CIZ1: variants seen among roughly 807,000 people sequenced by gnomAD.
The protein encoded by CIZ1 is CDKN1A interacting zinc finger protein 1.
CIZ1 carries 58 observed loss-of-function variants against 118.6 expected under a neutral mutation model. That is an observed-to-expected ratio of 0.49 (90% CI 0.40 to 0.61). The LOEUF is 0.61. CIZ1 is among the 20% of genes least tolerant of loss of function. CIZ1 has a pLI of 0.00. For missense variants in CIZ1, 921 were observed against 1,115.9 expected (o/e 0.83, Z 2.49); for synonymous variants, 448 against 443.4 (o/e 1.01, Z -0.13).
chr9:128,183,206 A>G (rs1831902026), intron 5 of CIZ1, among the ~76,000 whole-genome samples: 1 of 152,192 alleles, frequency 6.6e-6, no homozygotes, highest in East Asian at 1.9e-4. Flanking sequence ...GGACACATCC[A>G]TACTCTGCCC....
At chr9:128,200,636 C>T (rs561780522) in intron 1 of CIZ1, among the ~76,000 whole-genome samples, 17 of 141,938 alleles carry the variant, frequency 1.2e-4, no homozygotes, top group Non-Finnish European at 2.1e-4. Flanking sequence ...CTAACCTGAG[C>T]GACAGAGCAA....
chr9:128,178,728 A>C lies in CIZ1; in HGVS notation c.1479T>G (p.Asp493Glu), dbSNP rs1831181544. The change falls in exon 8 of 17, where the codon GAT (aspartate) becomes GAG (glutamate). Residue 493 changes from aspartate to glutamate, a missense_variant. Asp to Glu is a conservative substitution (Grantham distance 45). Coordinates refer to ENST00000372938, the MANE Select transcript of CIZ1 (RefSeq NM_001131016.2). The stretch of plus-strand genomic sequence containing the variant: ...ACTTACCTCCACCAGCTTCTACTGC[A>C]TCAGGTGGCATCTCCAGCCCGCAGA... The part of the protein sequence containing the change: ...VHVCGLEMPP[D>E]AVEAGGGMEK... 1.2e-6 allele frequency: 2 copies of C among 1,613,782 alleles called. No individual in the cohort carries two copies. The highest frequency in any genetic ancestry group is 2.7e-5 in the African/African-American group (2 of 75,054).
chr9:128,198,148 C>G (rs1274916321), intron 1 of CIZ1: 3 of 152,284 alleles, frequency 2.0e-5, no homozygotes, highest in Non-Finnish European at 4.4e-5. Flanking sequence ...ATATTGGTGC[C>G]CAGCCTGCAA....
chr9:128,194,555 G>A (rs765381778), upstream of CIZ1, among the ~76,000 whole-genome samples: 4 of 151,686 alleles, frequency 2.6e-5, no homozygotes, highest in East Asian at 1.9e-4. Context: ...GGTGGCTCAC[G>A]CCTACAATCC....
At position 128,191,489 on chromosome 9, in the gene CIZ1, C is replaced by G. The variant is rs1418160417; in HGVS notation, c.-63G>C. The G allele has an allele frequency of 1.0e-6, 1 of 994,324 alleles. No homozygotes were observed. The highest frequency in any genetic ancestry group is 1.2e-6 in the Non-Finnish European group (1 of 834,838). The allele number at this position is 994,324 out of a possible 1,614,324, so 61.6% of individuals were successfully genotyped here. A position where few individuals can be genotyped will look rare whatever the true frequency, so the allele number is the denominator to read the frequency against. ...CGCCCCCACGGATGGGCCGGCCCCG[C>G]AGCCCCCACGCCTCGGCCGGGCGGC... On this transcript the variant is annotated 5_prime_UTR_variant, in exon 1 of 17. Coordinates refer to ENST00000372938, the MANE Select transcript of CIZ1 (RefSeq NM_001131016.2). The surrounding 1 kb of genome is among the most constrained non-coding windows in gnomAD (Gnocchi z 5.5).
At position 128,191,300 on chromosome 9, in the gene CIZ1, G is replaced by T; in HGVS notation, c.-6+132C>A. 4.2e-6 allele frequency: 1 copy of T among 238,600 alleles called. No homozygotes were observed. The highest frequency in any genetic ancestry group is 1.4e-4 in the South Asian group (1 of 7,100). The allele number at this position is 238,600 out of a possible 1,614,324, so 14.8% of individuals were successfully genotyped here. On this transcript the variant is annotated intron_variant, in intron 1 of 16. Transcript: ENST00000372938. The surrounding 1 kb of genome is among the most constrained non-coding windows in gnomAD (Gnocchi z 5.5). ...GTCACCGTGGTCCTGAGCTCCGTGG[G>T]ACGGCTTCTCTCCACCACCGCCACC...
chr9:128,199,784 C>CTT (rs34269035), intron 1 of CIZ1: 7,707 of 128,606 alleles, frequency 0.06, 539 homozygotes, highest in East Asian at 0.33. Flanking sequence ...TTCTTTCTTT[C>CTT]TTTTTTTTTT....
At chr9:128,174,715 A>G (rs1830647699) in intron 11 of CIZ1, among the ~76,000 whole-genome samples, 1 of 152,142 alleles carries the variant, frequency 6.6e-6, no homozygotes. Context: ...GCTGAAGTGC[A>G]GTGGCGCGAT....
rs75157907 is a variant in CIZ1, at chr9:128,170,119, C to T, written c.1944-12G>A. 4.1e-6 allele frequency: 1 copy of T among 244,812 alleles called. No homozygotes were observed. Among genetic ancestry groups the T allele is most frequent in the African/African-American group, 1.9e-5 (1 of 52,940 alleles). 15.2% of individuals were successfully genotyped at this position (244,812 alleles called of 1,614,324 possible). On this transcript the variant is annotated splice_polypyrimidine_tract_variant and intron_variant, in intron 11 of 16. Coordinates refer to ENST00000372938, the MANE Select transcript of CIZ1 (RefSeq NM_001131016.2). ...TTGGTGGAGGCTCCCTGAATGACAA[C>T]AGTCAAAGCAAGTACAATGTGACGC...
upstream of CIZ1, among the ~76,000 whole-genome samples, chr9:128,194,257 G>A (rs991560794): frequency 5.3e-5 from 8 of 150,916 alleles, no homozygotes; most frequent in African/African-American, 2.0e-4. Flanking sequence ...AGCTACTCGG[G>A]AGGATGAGGC....
intron 5 of CIZ1, 47 bp downstream of exon 5, chr9:128,185,500 C>T: frequency 8.4e-6 from 11 of 1,304,252 alleles, no homozygotes; most frequent in Non-Finnish European, 1.2e-5. Context: ...CTGGGGCTGA[C>T]ACCCAGGGTC....
At chr9:128,184,249 G>A (rs753009702) in intron 5 of CIZ1, among the ~76,000 whole-genome samples, 24 of 152,156 alleles carry the variant, frequency 1.6e-4, no homozygotes, top group Non-Finnish European at 2.6e-4. Flanking sequence ...GGGCTGAATT[G>A]AGAGGTCAGT....
chr9:128,175,739 G>A (rs1329826699), intron 11 of CIZ1, among the ~76,000 whole-genome samples: 1 of 152,188 alleles, frequency 6.6e-6, no homozygotes, highest in Admixed American at 6.5e-5. Flanking sequence ...AAGAGATCCA[G>A]AGATGAGAAG....
At chr9:128,177,542 C>CCACCCAAAAA in intron 10 of CIZ1, 24 bp downstream of exon 10, 1 of 1,229,498 alleles carries the variant, frequency 8.1e-7, no homozygotes, top group Non-Finnish European at 1.1e-6. Flanking sequence ...CACCCCTCCC[C>CCACCCAAAAA]ACCCTTATCT....
In CIZ1 at chr9:128,176,360, G is replaced by C. The variant is rs148662426; in HGVS notation, c.1934C>G (p.Thr645Arg). Reference protein sequence around the residue: ...LLPVPRDVLETEDEEPPPRRW... With the variant: ...LLPVPRDVLEREDEEPPPRRW... Reference sequence around the variant, plus strand: ...ACGATCCCCCACTCACTCATCCTCTGTCTCCAGGACGTCCCGGGGCACGGG... The same window carrying C: ...ACGATCCCCCACTCACTCATCCTCTCTCTCCAGGACGTCCCGGGGCACGGG... The change falls in exon 11 of 17, where the codon ACA (threonine) becomes AGA (arginine). Residue 645 changes from threonine (T) to arginine (R), a missense_variant. Coordinates refer to ENST00000372938, the MANE Select transcript of CIZ1 (RefSeq NM_001131016.2). 2.5e-4 allele frequency: 405 copies of C among 1,613,824 alleles called. No homozygotes were observed. The highest frequency in any genetic ancestry group is 3.3e-4 in the Non-Finnish European group (391 of 1,179,910).
At chr9:128,172,147 C>CAAAAAAAAAAAAA (rs58895140) in intron 11 of CIZ1, among the ~76,000 whole-genome samples, 3 of 69,170 alleles carry the variant, frequency 4.3e-5, no homozygotes, top group African/African-American at 2.1e-4. Context: ...GACACTGTCT[C>CAAAAAAAAAAAAA]AAAAAAAAAA....
chr9:128,191,565 C>T lies in CIZ1; in HGVS notation c.-139G>A, dbSNP rs911656765. The T allele has an allele frequency of 1.9e-5, 21 of 1,097,558 alleles. No homozygotes were observed. Among genetic ancestry groups the T allele is most frequent in the Non-Finnish European group, 2.3e-5 (21 of 902,290 alleles). The allele number at this position is 1,097,558 out of a possible 1,614,324, so 68.0% of individuals were successfully genotyped here. ...CCGCTGCTACTCCGGGGCCTGTGGG[C>T]TCGTAAGGCCCAAATGCGGGCGGGG... On this transcript the variant is annotated 5_prime_UTR_variant, in exon 1 of 17. Coordinates refer to ENST00000372938, the MANE Select transcript of CIZ1 (RefSeq NM_001131016.2). This position sits in a 1 kb window ranked among gnomAD's most constrained non-coding sequence, Gnocchi z 5.5.
chr9:128,190,542 T>C (rs1833002018), intron 2 of CIZ1, 98 bp from the exon 3 acceptor site: 1 of 1,337,336 alleles, frequency 7.5e-7, no homozygotes, highest in Admixed American at 2.0e-5. Flanking sequence ...CACTCTGTGG[T>C]AGACAGAGGA....
Position 128,177,711 on chromosome 9 carries a change from C to A in CIZ1, c.1673G>T (p.Ser558Ile). 6.2e-7 allele frequency: 1 copy of A among 1,607,678 alleles called. No homozygotes were observed. The highest frequency in any genetic ancestry group is 2.2e-5 in the East Asian group (1 of 44,614). The change falls in exon 10 of 17, where the codon AGC (serine) becomes ATC (isoleucine). Residue 558 changes from serine to isoleucine, a missense_variant. Ser to Ile is a moderately radical substitution (Grantham distance 142). Transcript: ENST00000372938. ...LKVTILQSSD[S>I]RAFSTVPLTP... ...CAGGGGTACAGTGCTAAAGGCCCGG[C>A]TGTCACTGCTCTGCAGAATGGTGAC...
Sources: allele counts gnomAD v4.1 joint callset (sites outside exome capture counted in the v4.1 genomes callset), GRCh38; gene constraint gnomAD v4.1.1; non-coding constraint Gnocchi (gnomAD v3.1); transcripts MANE v1.5; gene names NCBI Gene and HGNC (gene_info 2026-07-23, HGNC 2026-07-21).